The following RCC1L variants were observed in gnomAD, a reference collection of about 807,000 sequenced individuals.
The protein encoded by RCC1L is RCC1-like G exchanging factor-like protein.
Under a neutral mutation model 58.6 loss-of-function variants are expected in RCC1L, and 46 were observed. The observed-to-expected ratio is 0.79, with a 90% CI of 0.62 to 1.00. The LOEUF (loss-of-function observed/expected upper bound fraction) is 1.00, where lower values mean the gene tolerates loss of function less well. Ranked by LOEUF, RCC1L falls within the 50% of genes least tolerant of loss-of-function variation. The pLI is 0.00. For missense variants in RCC1L, 636 were observed against 623.6 expected (o/e 1.02, Z -0.21); for synonymous variants, 281 against 262.9 (o/e 1.07, Z -0.67).
chr7:75,043,066 T>C lies in RCC1L; in HGVS notation c.1361A>G (p.Asp454Gly). ...GEPVDVACGV[D>G]HMVTLAKSFI ...TGACTTGGCCAGGGTCACCATGTGG[T>C]CCACGCCACATGCCACGTCCACAGG... is the stretch of plus-strand genomic sequence containing the variant. Residue 454 changes from aspartate (D) to glycine (G), a missense_variant, in exon 11 of 11, where the codon GAC (aspartate) becomes GGC (glycine). Coordinates refer to ENST00000610322, the MANE Select transcript of RCC1L (RefSeq NM_030798.5). The C allele has an allele frequency of 6.2e-7, 1 of 1,614,002 alleles. No individual in the cohort carries two copies.
rs1806336058 is a variant in RCC1L at position 75,063,291 on chromosome 7, C to T, written c.702+1G>A. 6.2e-7 allele frequency: 1 copy of T among 1,613,856 alleles called. No individual in the cohort carries two copies. On this transcript the variant is annotated splice_donor_variant, in intron 5 of 10. Coordinates refer to ENST00000610322, the MANE Select transcript of RCC1L (RefSeq NM_030798.5). LOFTEE classifies it high-confidence loss of function. ...AGCAGCTCTCGGCCCATCTCTCTTA[C>T]CTGGACCACCTGGCCATCGAAGTCC...
intron 10 of RCC1L, among the ~76,000 whole-genome samples, chr7:75,046,962 T>C (rs931202155): frequency 6.6e-6 from 1 of 151,896 alleles, no homozygotes; most frequent in Non-Finnish European, 1.5e-5. Flanking sequence ...CTTTTCTATT[T>C]TTTTTTTTTC....
At chr7:75,071,790 C>T (rs587594157) in intron 1 of RCC1L, among the ~76,000 whole-genome samples, 1 of 152,136 alleles carries the variant, frequency 6.6e-6, no homozygotes, top group Admixed American at 6.6e-5. Flanking sequence ...ATCTGTTTCT[C>T]CTTCTCTAAA....
At position 75,073,543 on chromosome 7, in the gene RCC1L, G is replaced by A; in HGVS notation, c.195C>T (p.Gly65=). The A allele has an allele frequency of 6.7e-7, 1 of 1,501,856 alleles. No homozygotes were observed. The highest frequency in any genetic ancestry group is 1.5e-5 in the African/African-American group (1 of 68,590). The allele number at this position is 1,501,856 out of a possible 1,614,324, so 93.0% of individuals were successfully genotyped here. A position where few individuals can be genotyped will look rare whatever the true frequency, so the allele number is the denominator to read the frequency against. Residue 65 remains glycine, a synonymous_variant, in exon 1 of 11, where the codon GGC becomes GGT. Transcript: ENST00000610322. ...CGCCCAGCGCCCCCGAGAAGCTGAAGCCCCACACGAAGACGCGATCGGCGC... is the reference window on the plus strand; with the variant it reads ...CGCCCAGCGCCCCCGAGAAGCTGAAACCCCACACGAAGACGCGATCGGCGC... The part of the protein sequence containing the change: ...AARADRVFVW[G]FSFSGALGVP...
intron 10 of RCC1L, among the ~76,000 whole-genome samples, chr7:75,048,380 C>T (rs939753059): frequency 1.3e-5 from 2 of 152,142 alleles, no homozygotes; most frequent in Admixed American, 6.6e-5. Flanking sequence ...CAGACCCCAC[C>T]GGTCCTGACC....
chr7:75,042,537 C>T lies in RCC1L; in HGVS notation c.*495G>A. On this transcript the variant is annotated 3_prime_UTR_variant, in exon 11 of 11. Transcript: ENST00000610322. ...GGTGTGGCAGGCGGCCAGGAAGGGCCATGAGCAGGGTGGCCTGAATGAAAA... is the reference window on the plus strand; with the variant it reads ...GGTGTGGCAGGCGGCCAGGAAGGGCTATGAGCAGGGTGGCCTGAATGAAAA... 1 of 994,496 alleles carries T rather than the reference C, an allele frequency of 1.0e-6. No individual in the cohort carries two copies. Among genetic ancestry groups the T allele is most frequent in the Non-Finnish European group, 1.2e-6 (1 of 834,826 alleles). 61.6% of individuals were successfully genotyped at this position (994,496 alleles called of 1,614,324 possible).
intron 2 of RCC1L, among the ~76,000 whole-genome samples, chr7:75,069,794 G>T (rs587775058): frequency 6.6e-6 from 1 of 151,596 alleles, no homozygotes; most frequent in South Asian, 2.1e-4. Flanking sequence ...CGAACTCCTG[G>T]CCTCAAGTGA....
At chr7:75,070,288 G>C (rs1482780699) in intron 2 of RCC1L, among the ~76,000 whole-genome samples, 2 of 152,092 alleles carry the variant, frequency 1.3e-5, no homozygotes, top group African/African-American at 4.8e-5. Flanking sequence ...ACCAAAGGGA[G>C]GGCTGGGCGC....
chr7:75,029,559 T>G (rs1471661841), intron 10 of RCC1L, among the ~76,000 whole-genome samples: 2 of 151,912 alleles, frequency 1.3e-5, no homozygotes, highest in African/African-American at 4.8e-5. Context: ...GGCCAGGCTG[T>G]TCTTGAACTC....
chr7:75,041,015 C>T (rs951218084), downstream of RCC1L, among the ~76,000 whole-genome samples: 40 of 152,088 alleles, frequency 2.6e-4, no homozygotes, highest in East Asian at 2.9e-3. Context: ...GTCAGGAGTT[C>T]GAGAACAGCC....
At chr7:75,056,219 T>C in intron 8 of RCC1L, 145 bp from the exon 9 acceptor site, 3 of 982,704 alleles carry the variant, frequency 3.1e-6, no homozygotes, top group Non-Finnish European at 4.7e-6. Flanking sequence ...CCTCCTTGCT[T>C]GGCAAGAACA....
At chr7:75,052,883 T>C (rs1554443508) in intron 9 of RCC1L, 87 bp from the exon 10 acceptor site, 1 of 1,279,280 alleles carries the variant, frequency 7.8e-7, no homozygotes, top group African/African-American at 1.5e-5. Flanking sequence ...ACAGGCTTTC[T>C]AGAACCAGAT....
intron 10 of RCC1L, chr7:75,028,099 GCTCT>G (rs1166176145): frequency 2.6e-6 from 4 of 1,511,832 alleles, no homozygotes; most frequent in Non-Finnish European, 3.5e-6. Context: ...GAGGAAGAGG[GCTCT>G]CTATGATGTG....
chr7:75,046,782 T>G (rs1584490742), intron 10 of RCC1L, among the ~76,000 whole-genome samples: 3 of 152,190 alleles, frequency 2.0e-5, no homozygotes, highest in African/African-American at 7.2e-5. Context: ...GCAGAATCCA[T>G]TTAGGAACAT....
chr7:75,063,716 T>G (rs1442327483), intron 4 of RCC1L, among the ~76,000 whole-genome samples: 1 of 151,972 alleles, frequency 6.6e-6, no homozygotes, highest in Non-Finnish European at 1.5e-5. Flanking sequence ...GTCAGGAGTT[T>G]GAAACCAGCC....
rs1352910446 is a variant in RCC1L, at chr7:75,064,279, G to A, written c.650+303C>T. Among the ~76,000 whole-genome samples the A allele has an allele frequency of 8.6e-5, 13 of 150,908 alleles. 1 individual carries two copies. The highest frequency in any genetic ancestry group is 3.3e-4 in the Admixed American group (5 of 15,088). On this transcript the variant is annotated intron_variant, in intron 4 of 10. Transcript: ENST00000610322. ...TGGGAGGCAGAGGTTGCAGTGAGCCGAGATTGCGCCTCTGCACTCTGGCCT... is the reference window on the plus strand; with the variant it reads ...TGGGAGGCAGAGGTTGCAGTGAGCCAAGATTGCGCCTCTGCACTCTGGCCT...
chr7:75,052,171 G>A (rs1305966125), intron 10 of RCC1L, among the ~76,000 whole-genome samples: 8 of 152,090 alleles, frequency 5.3e-5, no homozygotes, highest in Admixed American at 2.0e-4. Context: ...TCATAGCTGC[G>A]GTTGGGCCAT....
At position 75,058,659 on chromosome 7, in the gene RCC1L, C is replaced by T. The variant is rs1034264487; in HGVS notation, c.898G>A (p.Ala300Thr). ...TYGDCCLAVS[A>T]DGGLFGWGNS... is the part of the protein sequence containing the mutation. ...CCCCAACCAAAAAGTCCTCCGTCGG[C>T]GGACACGGCCAGGCAGCAATCACCG... Residue 300 changes from alanine to threonine, a missense_variant, in exon 7 of 11, where the codon GCC becomes ACC. Ala to Thr is a moderately conservative substitution (Grantham distance 58). Coordinates refer to ENST00000610322, the MANE Select transcript of RCC1L (RefSeq NM_030798.5). The T allele has an allele frequency of 1.5e-4, 234 of 1,613,748 alleles. No homozygotes were observed. The highest frequency in any genetic ancestry group is 4.9e-4 in the Middle Eastern group (3 of 6,078).
chr7:75,028,056 G>A, exon 11 of RCC1L: 1 of 1,534,570 alleles, frequency 6.5e-7, no homozygotes, highest in African/African-American at 1.4e-5. Context: ...CTGTTGTCTT[G>A]GCGCTGGCGG....
Sources: allele counts gnomAD v4.1 joint callset (sites outside exome capture counted in the v4.1 genomes callset), GRCh38; gene constraint gnomAD v4.1.1; transcripts MANE v1.5; gene names NCBI Gene and HGNC (gene_info 2026-07-23, HGNC 2026-07-21).